PLG: variants seen among roughly 807,000 people sequenced by gnomAD.
PLG encodes plasmin.
PLG carries 41 observed loss-of-function variants against 104.4 expected under a neutral mutation model. That is an observed-to-expected ratio of 0.39 (90% CI 0.31 to 0.51). The LOEUF is 0.51. Ranked by LOEUF, PLG falls within the 20% of genes least tolerant of loss-of-function variation. The pLI is 0.76. For missense variants in PLG, 891 were observed against 1,003.6 expected (o/e 0.89, Z 1.52); for synonymous variants, 337 against 357.1 (o/e 0.94, Z 0.63).
intron 4 of PLG, among the ~76,000 whole-genome samples, chr6:160,712,655 A>G (rs1777665264): frequency 6.6e-6 from 1 of 152,240 alleles, no homozygotes. Flanking sequence ...TTTTACAGAG[A>G]AAACGGTAAC....
chr6:160,708,734 C>T (rs1007670608), intron 3 of PLG: 2 of 152,128 alleles, frequency 1.3e-5, no homozygotes, highest in Non-Finnish European at 2.9e-5. Flanking sequence ...TACGGCAAAA[C>T]TCTAAGTAGC....
Position 160,714,645 on chromosome 6 carries a change from ATT to A in PLG, c.548-146_548-145del. The A allele has an allele frequency of 4.9e-6, 2 of 411,660 alleles. 1 individual carries two copies. Among genetic ancestry groups the A allele is most frequent in the South Asian group, 4.6e-5 (2 of 43,944 alleles). 25.5% of individuals were successfully genotyped at this position (411,660 alleles called of 1,614,324 possible). A position where few individuals can be genotyped will look rare whatever the true frequency, so the allele number is the denominator to read the frequency against. On this transcript the variant is annotated intron_variant, in intron 5 of 18. Transcript: ENST00000308192. The stretch of plus-strand genomic sequence containing the variant: ...AGAAAATCCTGAGTCCTTATTGCCA[ATT>A]TTATTGCCAAGTGCCTGTTGTGAAT...
rs1777791154 is a variant in PLG at position 160,719,056 on chromosome 6, ATG to A, written c.1096+222_1096+223del. ...AATGTTTCATGTGCTCTTGAAAAGA[ATG>A]TGTCTTCTGCGGTTGTTGGGTGGGG... On this transcript the variant is annotated intron_variant, in intron 9 of 18. Coordinates refer to ENST00000308192, the MANE Select transcript of PLG (RefSeq NM_000301.5). This position sits in a 1 kb window ranked among gnomAD's most constrained non-coding sequence, Gnocchi z 4.1. 6.6e-6 allele frequency among the ~76,000 whole-genome samples: 1 copy of A among 152,156 alleles called. No homozygotes were observed. Among genetic ancestry groups the A allele is most frequent in the African/African-American group, 2.4e-5 (1 of 41,424 alleles).
At chr6:160,702,658 G>A (rs540901462) in intron 1 of PLG, among the ~76,000 whole-genome samples, 12 of 152,282 alleles carry the variant, frequency 7.9e-5, no homozygotes, top group African/African-American at 2.6e-4. Flanking sequence ...TGCAAAGGAC[G>A]GCTAAGCTCT....
chr6:160,715,245 C>T (rs1460077354), intron 6 of PLG, among the ~76,000 whole-genome samples: 2 of 152,186 alleles, frequency 1.3e-5, no homozygotes, highest in African/African-American at 2.4e-5. Flanking sequence ...AATACATTAA[C>T]ATCTGTCTTC....
In PLG at chr6:160,753,694, C is replaced by A. The variant is rs1355776688; in HGVS notation, c.*633C>A. On this transcript the variant is annotated 3_prime_UTR_variant, in exon 19 of 19. Transcript: ENST00000308192. The surrounding 1 kb of genome is among the most constrained non-coding windows in gnomAD (Gnocchi z 5.4). Reference sequence around the variant, plus strand: ...GTGTAACACAAGACCAACTGAGAGTCTGAATGTTATTCTGGGGCACACGTG... The same window carrying A: ...GTGTAACACAAGACCAACTGAGAGTATGAATGTTATTCTGGGGCACACGTG... 2.0e-5 allele frequency among the ~76,000 whole-genome samples: 3 copies of A among 152,156 alleles called. No homozygotes were observed. Among genetic ancestry groups the A allele is most frequent in the African/African-American group, 7.2e-5 (3 of 41,434 alleles).
rs963279386 is a variant in PLG at position 160,731,419 on chromosome 6, G to A, written c.1438+187G>A. On this transcript the variant is annotated intron_variant, in intron 11 of 18. Transcript: ENST00000308192. The surrounding 1 kb of genome is among the most constrained non-coding windows in gnomAD (Gnocchi z 5.1). ...AGAGGTGTGACTTTTGGCACAACGT[G>A]AGTGGGCTGTGCCTTTAGGACAGGT... Among the ~76,000 whole-genome samples the A allele has an allele frequency of 1.3e-5, 2 of 152,212 alleles. No individual in the cohort carries two copies. Among genetic ancestry groups the A allele is most frequent in the Non-Finnish European group, 2.9e-5 (2 of 68,036 alleles).
intron 5 of PLG, 52 bp from the exon 6 acceptor site, chr6:160,714,742 A>G: frequency 6.2e-7 from 1 of 1,600,826 alleles, no homozygotes; most frequent in Non-Finnish European, 8.6e-7. Context: ...ATTTTGCTTC[A>G]TCCATTTCAG....
At chr6:160,721,999 G>T (rs1236361089) in intron 9 of PLG, among the ~76,000 whole-genome samples, 1 of 152,160 alleles carries the variant, frequency 6.6e-6, no homozygotes, top group East Asian at 1.9e-4. Flanking sequence ...CTTTGGCTTT[G>T]TTTGAGGAAG....
chr6:160,706,250 A>T lies in PLG; in HGVS notation c.50-157A>T. 1.3e-5 allele frequency: 12 copies of T among 950,376 alleles called. 1 individual carries two copies. The South Asian group carries it at 1.6e-4, about 13-fold the overall frequency. 58.9% of individuals were successfully genotyped at this position (950,376 alleles called of 1,614,324 possible). ...CCAAATGCCCGACTGTGTGTTCTTA[A>T]CTAAACATTTTGATTCATAGCTACC... On this transcript the variant is annotated intron_variant, in intron 1 of 18. Coordinates refer to ENST00000308192, the MANE Select transcript of PLG (RefSeq NM_000301.5).
At chr6:160,751,341 C>T (rs901954362) in intron 17 of PLG, among the ~76,000 whole-genome samples, 4 of 152,222 alleles carry the variant, frequency 2.6e-5, no homozygotes, top group African/African-American at 9.6e-5. Flanking sequence ...AACTACACAA[C>T]CTCCTTACGC....
At position 160,731,865 on chromosome 6, in the gene PLG, C is replaced by A. The variant is rs747448179; in HGVS notation, c.1559C>A (p.Thr520Lys). The stretch of plus-strand genomic sequence containing the variant: ...AGACACAGCATTTTCACTCCAGAGA[C>A]AAATCCACGGGCGGGTCTGGAAAAA... The part of the protein sequence containing the change: ...PHRHSIFTPE[T>K]NPRAGLEKNY... Residue 520 changes from threonine (T) to lysine (K), a missense_variant, in exon 12 of 19, where the codon ACA (threonine) becomes AAA (lysine). Thr to Lys is a moderately conservative substitution (Grantham distance 78, BLOSUM62 -1). Coordinates refer to ENST00000308192, the MANE Select transcript of PLG (RefSeq NM_000301.5). The surrounding 1 kb of genome is among the most constrained non-coding windows in gnomAD (Gnocchi z 5.1). The A allele has an allele frequency of 3.7e-6, 6 of 1,614,132 alleles. No individual in the cohort carries two copies. The highest frequency in any genetic ancestry group is 4.2e-6 in the Non-Finnish European group (5 of 1,180,006).
At chr6:160,747,583 T>G (rs1334838051) in intron 17 of PLG, among the ~76,000 whole-genome samples, 1 of 151,984 alleles carries the variant, frequency 6.6e-6, no homozygotes, top group Non-Finnish European at 1.5e-5. Flanking sequence ...GTGGTGTTTT[T>G]CACATCAGCC....
intron 9 of PLG, among the ~76,000 whole-genome samples, chr6:160,721,670 G>C (rs1220056275): frequency 6.6e-6 from 1 of 152,136 alleles, no homozygotes; most frequent in Non-Finnish European, 1.5e-5. Context: ...CTCACTTTTT[G>C]GTGGACGTAG....
chr6:160,739,168 G>C lies in PLG; in HGVS notation c.1978G>C (p.Glu660Gln), dbSNP rs759288464. 6.2e-7 allele frequency: 1 copy of C among 1,614,108 alleles called. No homozygotes were observed. Among genetic ancestry groups the C allele is most frequent in the Non-Finnish European group, 8.5e-7 (1 of 1,180,014 alleles). The part of the protein sequence containing the change: ...QEIEVSRLFL[E>Q]PTRKDIALLK... Reference sequence around the variant, plus strand: ...AATAGAAGTGTCTAGGCTGTTCTTGGAGCCCACACGAAAAGATATTGCCTT... The same window carrying C: ...AATAGAAGTGTCTAGGCTGTTCTTGCAGCCCACACGAAAAGATATTGCCTT... The change falls in exon 16 of 19, where the codon GAG becomes CAG. Residue 660 changes from glutamate to glutamine, a missense_variant. By Grantham distance (29) the Glu-to-Gln change is conservative. This residue lies in a region of PLG where 854 missense variants were observed against 932.1 expected (regional missense o/e 0.92). Transcript: ENST00000308192. This position sits in a 1 kb window ranked among gnomAD's most constrained non-coding sequence, Gnocchi z 4.4.
In PLG at chr6:160,738,572, T is replaced by A. The variant is rs758551184; in HGVS notation, c.1837T>A (p.Ser613Thr). 1 of 1,612,398 alleles carries A rather than the reference T, an allele frequency of 6.2e-7. No individual in the cohort carries two copies. The highest frequency in any genetic ancestry group is 1.1e-5 in the South Asian group (1 of 91,056). The change falls in exon 15 of 19, where the codon TCC (serine) becomes ACC (threonine). Residue 613 changes from serine to threonine, a missense_variant. Transcript: ENST00000308192. The surrounding 1 kb of genome is among the most constrained non-coding windows in gnomAD (Gnocchi z 6.8). ...GMHFCGGTLI[S>T]PEWVLTAAHC... Reference sequence around the variant, plus strand: ...GCACTTCTGTGGAGGCACCTTGATATCCCCAGAGTGGGTGTTGACTGCTGC... The same window carrying A: ...GCACTTCTGTGGAGGCACCTTGATAACCCCAGAGTGGGTGTTGACTGCTGC...
chr6:160,724,009 A>G lies in PLG; in HGVS notation c.1256+1442A>G, dbSNP rs1777885280. ...TTAACTGATTGCCAGAAGAAAATTCAACCCTTTAGAGGCAAACAACAAAAT... is the reference window on the plus strand; with the variant it reads ...TTAACTGATTGCCAGAAGAAAATTCGACCCTTTAGAGGCAAACAACAAAAT... On this transcript the variant is annotated intron_variant, in intron 10 of 18. Coordinates refer to ENST00000308192, the MANE Select transcript of PLG (RefSeq NM_000301.5). The surrounding 1 kb of genome is among the most constrained non-coding windows in gnomAD (Gnocchi z 5.0). Among the ~76,000 whole-genome samples, 1 of 152,236 alleles carries G rather than the reference A, an allele frequency of 6.6e-6. No individual in the cohort carries two copies. The highest frequency in any genetic ancestry group is 1.5e-5 in the Non-Finnish European group (1 of 68,044).
In PLG at chr6:160,714,903, C is replaced by A. The variant is rs978017729; in HGVS notation, c.657C>A (p.Tyr219Ter). 1 of 1,613,586 alleles carries A rather than the reference C, an allele frequency of 6.2e-7. No homozygotes were observed. The highest frequency in any genetic ancestry group is 8.5e-7 in the Non-Finnish European group (1 of 1,179,676). Residue 219 changes from tyrosine to a stop codon, truncating the protein, a stop_gained, in exon 6 of 19, where the codon TAC becomes TAA. Transcript: ENST00000308192. LOFTEE classifies it high-confidence loss of function. ...CTCAGAGCCCACACGCTCATGGATA[C>A]ATTCCTTCCAAGTAAGTCTCACTGG... ...WDSQSPHAHG[Y>*]IPSKFPNKNL...
chr6:160,749,877 CTCA>C (rs946045301), intron 17 of PLG, among the ~76,000 whole-genome samples: 21 of 133,498 alleles, frequency 1.6e-4, no homozygotes, highest in South Asian at 2.7e-4. Flanking sequence ...TATCACAACC[CTCA>C]TCATCACCAC....
Sources: allele counts gnomAD v4.1 joint callset (sites outside exome capture counted in the v4.1 genomes callset), GRCh38; gene constraint gnomAD v4.1.1; regional missense constraint gnomAD v4.1.1; non-coding constraint Gnocchi (gnomAD v3.1); transcripts MANE v1.5; gene names NCBI Gene and HGNC (gene_info 2026-07-23, HGNC 2026-07-21).